DZIP1L: variants seen among roughly 807,000 people sequenced by gnomAD.
DZIP1L encodes the protein DAZ interacting zinc finger protein 1 like.
Under a neutral mutation model 88.7 loss-of-function variants are expected in DZIP1L, and 90 were observed. The observed-to-expected ratio is 1.02, with a 90% CI of 0.86 to 1.21. The LOEUF is 1.21. Ranked by LOEUF, DZIP1L falls within the 50% of genes most tolerant of loss-of-function variation. The pLI is 0.00. For synonymous variants in DZIP1L, 363 were observed against 372.1 expected (o/e 0.98, Z 0.28); for missense variants, 932 against 955.8 (o/e 0.98, Z 0.33).
At chr3:138,075,939 C>G (rs1214680194) in intron 11 of DZIP1L, among the ~76,000 whole-genome samples, 1 of 151,952 alleles carries the variant, frequency 6.6e-6, no homozygotes, top group Non-Finnish European at 1.5e-5. Flanking sequence ...AGCATGGTGA[C>G]AGAGCGAGAT....
intron 11 of DZIP1L, among the ~76,000 whole-genome samples, chr3:138,074,226 G>A (rs1470766713): frequency 6.6e-6 from 1 of 152,136 alleles, no homozygotes; most frequent in Non-Finnish European, 1.5e-5. Flanking sequence ...GAAATTCATT[G>A]CAAAAAGATC....
intron 1 of DZIP1L, among the ~76,000 whole-genome samples, chr3:138,105,691 C>A (rs1429218150): frequency 6.6e-6 from 1 of 151,796 alleles, no homozygotes; most frequent in Non-Finnish European, 1.5e-5. Flanking sequence ...TTTGTTGAAT[C>A]TGTGGATGCA....
intron 7 of DZIP1L, among the ~76,000 whole-genome samples, chr3:138,085,923 A>G (rs1051805996): frequency 5.9e-5 from 9 of 152,246 alleles, no homozygotes; most frequent in Admixed American, 2.6e-4. Context: ...AATACTATGC[A>G]GCCATAAAAA....
Position 138,084,112 on chromosome 3 carries a change from C to T in DZIP1L, c.1203+1G>A. 6.2e-7 allele frequency: 1 copy of T among 1,613,432 alleles called. No homozygotes were observed. Among genetic ancestry groups the T allele is most frequent in the Non-Finnish European group, 8.5e-7 (1 of 1,179,644 alleles). ...CTGGCTGAAAGGAAGGGCAGACCTACCATCTCCTCCTGGGAGGCAATGATC... is the reference window on the plus strand; with the variant it reads ...CTGGCTGAAAGGAAGGGCAGACCTATCATCTCCTCCTGGGAGGCAATGATC... On this transcript the variant is annotated splice_donor_variant, in intron 8 of 15. Transcript: ENST00000327532. LOFTEE classifies it high-confidence loss of function.
At position 138,104,175 on chromosome 3, in the gene DZIP1L, T is replaced by C. The variant is rs55929046; in HGVS notation, c.-81-123A>G. On this transcript the variant is annotated intron_variant, in intron 1 of 15. Coordinates refer to ENST00000327532, the MANE Select transcript of DZIP1L (RefSeq NM_173543.3). ...GTCTGTGCAGCAGCTGTAGCATTCA[T>C]GGTGTGTGCTGACATGGCCAGAGCT... 3.2e-3 allele frequency: 2,864 copies of C among 904,860 alleles called. 11 individuals carry two copies. Among genetic ancestry groups the C allele is most frequent in the Non-Finnish European group, 4.2e-3 (2,571 of 618,974 alleles). 56.1% of individuals were successfully genotyped at this position (904,860 alleles called of 1,614,324 possible).
intron 3 of DZIP1L, among the ~76,000 whole-genome samples, chr3:138,096,169 G>C (rs1944457551): frequency 6.6e-6 from 1 of 152,202 alleles, no homozygotes; most frequent in African/African-American, 2.4e-5. Context: ...TGTGGAATAG[G>C]AGAGCTGGGC....
chr3:138,096,902 G>A (rs1671971438), intron 3 of DZIP1L, among the ~76,000 whole-genome samples: 1 of 152,160 alleles, frequency 6.6e-6, no homozygotes. Flanking sequence ...AATATAGGTT[G>A]GGTGCAGTGG....
chr3:138,077,865 C>T lies in DZIP1L; in HGVS notation c.1289-233G>A, dbSNP rs2622709. Among the ~76,000 whole-genome samples, 91,269 of 152,114 alleles carry T rather than the reference C, an allele frequency of 0.6. 28,950 individuals carry two copies. Among genetic ancestry groups the T allele is most frequent in the Non-Finnish European group, 0.7 (47,766 of 67,978 alleles). ...CCTAATCCTAGCCCCACCTGATACC[C>T]TCATCTCGTTTCCATGCCAGGCTCA... On this transcript the variant is annotated intron_variant, in intron 10 of 15. Transcript: ENST00000327532.
intron 9 of DZIP1L, among the ~76,000 whole-genome samples, chr3:138,081,019 A>G (rs1313758811): frequency 2.0e-5 from 3 of 152,156 alleles, no homozygotes; most frequent in African/African-American, 7.2e-5. Flanking sequence ...CAAGAAGTTC[A>G]GGGCCACAGG....
chr3:138,071,956 G>C lies in DZIP1L; in HGVS notation c.1423-121C>G. On this transcript the variant is annotated intron_variant, in intron 11 of 15. Coordinates refer to ENST00000327532, the MANE Select transcript of DZIP1L (RefSeq NM_173543.3). ...GTGATCAGTGCCTGGTGCTTTTCTT[G>C]CAGGACTGGGGGGCATGAAATGAGG... 3 of 954,448 alleles carry C rather than the reference G, an allele frequency of 3.1e-6. No homozygotes were observed. The South Asian group carries it at 5.4e-5, about 17-fold the overall frequency. The allele number at this position is 954,448 out of a possible 1,614,324, so 59.1% of individuals were successfully genotyped here.
intron 11 of DZIP1L, among the ~76,000 whole-genome samples, chr3:138,077,055 C>T (rs1400554567): frequency 6.6e-6 from 1 of 151,790 alleles, no homozygotes; most frequent in Non-Finnish European, 1.5e-5. Flanking sequence ...GTGTCAGACA[C>T]AGCTTTCAGT....
intron 2 of DZIP1L, among the ~76,000 whole-genome samples, chr3:138,100,751 A>T (rs186620495): frequency 7.9e-5 from 12 of 152,332 alleles, no homozygotes; most frequent in Non-Finnish European, 1.5e-5. Flanking sequence ...GTAAACTATG[A>T]ATGTCTTAAA....
chr3:138,102,400 C>T (rs747364233), intron 2 of DZIP1L: 2 of 1,326,896 alleles, frequency 1.5e-6, no homozygotes, highest in Non-Finnish European at 2.2e-6. Flanking sequence ...TCGAAGTCCT[C>T]CACCCAGCCC....
intron 2 of DZIP1L, among the ~76,000 whole-genome samples, chr3:138,101,225 A>ATT (rs35404766): frequency 1.7e-3 from 245 of 144,872 alleles, no homozygotes; most frequent in Middle Eastern, 3.6e-3. Flanking sequence ...CACAAACACT[A>ATT]TTTTTTTTTT....
At chr3:138,085,327 A>G (rs1031422328) in intron 7 of DZIP1L, among the ~76,000 whole-genome samples, 12 of 152,184 alleles carry the variant, frequency 7.9e-5, no homozygotes, top group Non-Finnish European at 1.6e-4. Flanking sequence ...GCAACCTACA[A>G]AATGGGAGAA....
At chr3:138,109,030 C>T (rs2042570986) in intron 1 of DZIP1L, among the ~76,000 whole-genome samples, 1 of 152,040 alleles carries the variant, frequency 6.6e-6, no homozygotes, top group Non-Finnish European at 1.5e-5. Flanking sequence ...GAGTGCAGGC[C>T]CTGTTTAAGG....
chr3:138,084,340 G>GTCAGCTTATTA, intron 7 of DZIP1L, 87 bp from the exon 8 acceptor site: 1 of 1,509,074 alleles, frequency 6.6e-7, no homozygotes, highest in Non-Finnish European at 8.8e-7. Context: ...CTGTAGGCAA[G>GTCAGCTTATTA]TGCCAGGCAA....
intron 1 of DZIP1L, among the ~76,000 whole-genome samples, chr3:138,114,520 G>T (rs371524379): frequency 6.6e-6 from 1 of 152,166 alleles, no homozygotes; most frequent in Non-Finnish European, 1.5e-5. Context: ...CATCCGGGAG[G>T]GGGAGGAGAG....
chr3:138,085,992 T>A (rs1443063533), intron 7 of DZIP1L, among the ~76,000 whole-genome samples: 1 of 151,826 alleles, frequency 6.6e-6, no homozygotes, highest in South Asian at 2.1e-4. Flanking sequence ...TCATTCTCAG[T>A]AAACTATCAC....
Sources: allele counts gnomAD v4.1 joint callset (sites outside exome capture counted in the v4.1 genomes callset), GRCh38; gene constraint gnomAD v4.1.1; transcripts MANE v1.5; gene names NCBI Gene and HGNC (gene_info 2026-07-23, HGNC 2026-07-21).